CDK6: variants seen among roughly 807,000 people sequenced by gnomAD.
CDK6 encodes cyclin-dependent kinase 6.
In CDK6, 6 loss-of-function variants were observed where a neutral mutation model predicts 37.1. That is an observed-to-expected ratio of 0.16 (90% CI 0.09 to 0.32). The LOEUF is 0.32. Ranked by LOEUF, CDK6 falls within the 10% of genes least tolerant of loss-of-function variation. The probability of loss-of-function intolerance (pLI) is 1.00; values close to 1 mark genes in which losing one functional copy is unlikely to be tolerated. For synonymous variants in CDK6, 160 were observed against 161.3 expected, an observed-to-expected ratio of 0.99 and a Z score of 0.06; for missense variants, 224 against 418.9, an observed-to-expected ratio of 0.53 and a Z score of 4.06.
intron 3 of CDK6, among the ~76,000 whole-genome samples, chr7:92,726,828 A>G (rs906528865): frequency 1.3e-5 from 2 of 152,226 alleles, no homozygotes; most frequent in Non-Finnish European, 2.9e-5. Context: ...AATACGTAAA[A>G]TAAGGCAAGC....
chr7:92,776,094 T>C (rs538916983), intron 2 of CDK6, among the ~76,000 whole-genome samples: 2 of 138,808 alleles, frequency 1.4e-5, no homozygotes, highest in East Asian at 5.0e-4. Context: ...TGGTGTGCGA[T>C]GTTCCCCTCC....
intron 2 of CDK6, among the ~76,000 whole-genome samples, chr7:92,791,463 C>T (rs1800280357): frequency 6.6e-6 from 1 of 152,106 alleles, no homozygotes; most frequent in African/African-American, 2.4e-5. Context: ...CCCTATTTTT[C>T]TAATTGCATC....
intron 2 of CDK6, among the ~76,000 whole-genome samples, chr7:92,827,504 T>C (rs1161927541): frequency 6.6e-6 from 1 of 152,156 alleles, no homozygotes; most frequent in East Asian, 1.9e-4. Flanking sequence ...CATGTGCAGC[T>C]GGTAAAATAA....
chr7:92,644,192 A>G (rs778133051), intron 5 of CDK6, among the ~76,000 whole-genome samples: 8 of 152,224 alleles, frequency 5.3e-5, no homozygotes, highest in Non-Finnish European at 1.0e-4. Flanking sequence ...GATACATTTT[A>G]TTATCTCATG....
chr7:92,723,910 CAA>C (rs576591781), intron 4 of CDK6, among the ~76,000 whole-genome samples: 28 of 83,680 alleles, frequency 3.3e-4, no homozygotes, highest in Non-Finnish European at 5.2e-4. Flanking sequence ...ATTTAATAAG[CAA>C]AAAAAAAAAA....
intron 4 of CDK6, among the ~76,000 whole-genome samples, chr7:92,716,620 C>T (rs888714766): frequency 1.3e-5 from 2 of 152,188 alleles, no homozygotes; most frequent in Non-Finnish European, 2.9e-5. Flanking sequence ...ATATTGCCAC[C>T]TCTCCTTTCC....
rs548112039 is a variant in CDK6 at position 92,798,666 on chromosome 7, G to C, written c.234-23835C>G. Among the ~76,000 whole-genome samples, 11 of 152,298 alleles carry C rather than the reference G, an allele frequency of 7.2e-5. No homozygotes were observed. The South Asian group carries it at 2.1e-3, about 29-fold the overall frequency. On this transcript the variant is annotated intron_variant, in intron 2 of 7. Coordinates refer to ENST00000424848, the MANE Select transcript of CDK6 (RefSeq NM_001145306.2). ...TCTGTTGCTAAGGGAACCCAAGTGT[G>C]CTGACCACTTTAAAGTCTTCCACAG...
intron 2 of CDK6, among the ~76,000 whole-genome samples, chr7:92,802,204 C>T (rs1202290994): frequency 6.6e-6 from 1 of 152,034 alleles, no homozygotes; most frequent in East Asian, 1.9e-4. Flanking sequence ...GTCTCCACCT[C>T]TGAGTCTCCA....
intron 5 of CDK6, among the ~76,000 whole-genome samples, chr7:92,624,232 T>C (rs562748441): frequency 2.6e-5 from 4 of 152,182 alleles, no homozygotes; most frequent in African/African-American, 9.6e-5. Context: ...ATGGGCTGAA[T>C]TTTTTTCCCC....
chr7:92,702,562 T>C (rs1267975249), intron 4 of CDK6, among the ~76,000 whole-genome samples: 1 of 152,094 alleles, frequency 6.6e-6, no homozygotes, highest in African/African-American at 2.4e-5. Flanking sequence ...ATGAAAAAAC[T>C]TCCATCTTAA....
At chr7:92,792,267 T>C (rs965828710) in intron 2 of CDK6, among the ~76,000 whole-genome samples, 1 of 152,154 alleles carries the variant, frequency 6.6e-6, no homozygotes, top group Non-Finnish European at 1.5e-5. Flanking sequence ...TCTTAGAACT[T>C]ATTTTCTACT....
intron 2 of CDK6, among the ~76,000 whole-genome samples, chr7:92,803,996 C>A (rs1800658546): frequency 6.6e-6 from 1 of 152,174 alleles, no homozygotes; most frequent in Non-Finnish European, 1.5e-5. Context: ...TCTTAAGAGT[C>A]ACTTCTCCAC....
At chr7:92,793,884 G>C (rs1800341355) in intron 2 of CDK6, among the ~76,000 whole-genome samples, 5 of 152,094 alleles carry the variant, frequency 3.3e-5, no homozygotes, top group Admixed American at 3.3e-4. Context: ...GGGAATGGCT[G>C]CTAATGGGTA....
At chr7:92,616,930 G>C (rs1180019560) in intron 7 of CDK6, among the ~76,000 whole-genome samples, 1 of 152,136 alleles carries the variant, frequency 6.6e-6, no homozygotes, top group African/African-American at 2.4e-5. Context: ...TTCTATTATT[G>C]CTCTACTTCA....
chr7:92,690,745 T>A (rs1797583165), intron 4 of CDK6, among the ~76,000 whole-genome samples: 1 of 152,192 alleles, frequency 6.6e-6, no homozygotes, highest in South Asian at 2.1e-4. Context: ...TTGAAATATA[T>A]GTATGCATGT....
At chr7:92,663,232 G>A (rs1408755108) in intron 5 of CDK6, among the ~76,000 whole-genome samples, 1 of 152,172 alleles carries the variant, frequency 6.6e-6, no homozygotes, top group Non-Finnish European at 1.5e-5. Flanking sequence ...AATCTGGTTT[G>A]TGGTAAAGAT....
intron 4 of CDK6, among the ~76,000 whole-genome samples, chr7:92,716,853 AC>A (rs1798239753): frequency 6.6e-6 from 1 of 152,172 alleles, no homozygotes; most frequent in Non-Finnish European, 1.5e-5. Context: ...AAGCCCCTAA[AC>A]TAGCACAGAG....
chr7:92,638,122 C>G (rs1341838318), intron 5 of CDK6, among the ~76,000 whole-genome samples: 2 of 151,858 alleles, frequency 1.3e-5, no homozygotes, highest in African/African-American at 4.8e-5. Flanking sequence ...GTTTTGCATG[C>G]TAAAAAATTT....
intron 4 of CDK6, among the ~76,000 whole-genome samples, chr7:92,724,068 A>T (rs1798451595): frequency 6.6e-6 from 1 of 152,186 alleles, no homozygotes; most frequent in South Asian, 2.1e-4. Context: ...AGTTCCTTCC[A>T]TCTACTCCCC....
Sources: gnomAD v4.1 joint callset for allele counts (sites outside exome capture counted in the v4.1 genomes callset) on GRCh38, gnomAD v4.1.1 for gene constraint, MANE v1.5 for transcripts, NCBI Gene and HGNC (gene_info 2026-07-23, HGNC 2026-07-21) for gene names.